Variants in ABCG1 observed in about 807,000 individuals in gnomAD.
The protein encoded by ABCG1 is ATP-binding cassette sub-family G member 1.
ABCG1 carries 29 observed loss-of-function variants against 69.2 expected under a neutral mutation model. That is an observed-to-expected ratio of 0.42 (90% CI 0.31 to 0.57). The LOEUF (loss-of-function observed/expected upper bound fraction) is 0.57. ABCG1 is among the 20% of genes least tolerant of loss of function. ABCG1 has a pLI of 0.15. For synonymous variants in ABCG1, 370 were observed against 374.8 expected, an observed-to-expected ratio of 0.99 and a Z score of 0.15; for missense variants, 718 against 898.1, an observed-to-expected ratio of 0.80 and a Z score of 2.56.
At position 42,276,873 on chromosome 21, in the gene ABCG1, C is replaced by T. The variant is rs1379727689; in HGVS notation, c.538-22C>T. On this transcript the variant is annotated intron_variant, in intron 4 of 14. Coordinates refer to ENST00000398449, the MANE Select transcript of ABCG1 (RefSeq NM_016818.3). This position sits in a 1 kb window ranked among gnomAD's most constrained non-coding sequence, Gnocchi z 5.3. ...AGTGGCCGTCTGTTCTGCTTCCACACTGTTGTCCTTGTCCCCTGCAGGTGT... is the reference window on the plus strand; with the variant it reads ...AGTGGCCGTCTGTTCTGCTTCCACATTGTTGTCCTTGTCCCCTGCAGGTGT... 1 of 1,613,934 alleles carries T rather than the reference C, an allele frequency of 6.2e-7. No homozygotes were observed. Among genetic ancestry groups the T allele is most frequent in the Non-Finnish European group, 8.5e-7 (1 of 1,179,874 alleles).
chr21:42,252,108 G>A lies in ABCG1; in HGVS notation c.287-18962G>A, dbSNP rs367761413. ...TTCTTGGATGTGGCCATGCACGGGG[G>A]CAAGGGTTTGATGAGAGCATCTGTG... is the stretch of plus-strand genomic sequence containing the variant. On this transcript the variant is annotated intron_variant, in intron 2 of 14. Coordinates refer to ENST00000398449, the MANE Select transcript of ABCG1 (RefSeq NM_016818.3). Among the ~76,000 whole-genome samples the A allele has an allele frequency of 1.1e-4, 17 of 152,330 alleles. No individual in the cohort carries two copies. The East Asian group carries it at 3.1e-3, about 28-fold the overall frequency.
chr21:42,206,195 C>G lies in ABCG1; in HGVS notation c.48+4472C>G, dbSNP rs145361626. Among the ~76,000 whole-genome samples the G allele has an allele frequency of 2.2e-3, 341 of 152,052 alleles. 1 individual carries two copies. Among genetic ancestry groups the G allele is most frequent in the Non-Finnish European group, 4.2e-3 (284 of 67,984 alleles). On this transcript the variant is annotated intron_variant, in intron 2 of 15. Coordinates refer to the ABCG1 transcript ENST00000398457. ...TGAAACCCCATCTCTACTAAAAGTACAAGAATTAGCCAGACATGGTGGCAC... is the reference window on the plus strand; with the variant it reads ...TGAAACCCCATCTCTACTAAAAGTAGAAGAATTAGCCAGACATGGTGGCAC...
chr21:42,219,094 G>A (rs1057434407), upstream of ABCG1: 60 of 495,944 alleles, frequency 1.2e-4, no homozygotes, highest in Admixed American at 3.6e-4. This position sits in a 1 kb window ranked among gnomAD's most constrained non-coding sequence, Gnocchi z 5.3. Flanking sequence ...CGCGCTCGGG[G>A]CGGGGTCGGG....
At chr21:42,201,681 G>T in exon 2 of ABCG1, 1 of 1,612,886 alleles carries the variant, frequency 6.2e-7, no homozygotes, top group Non-Finnish European at 8.5e-7. Context: ...TCTTGATGCT[G>T]GGAACGCAGG....
chr21:42,285,844 A>G (rs375526280), intron 7 of ABCG1, 36 bp from the exon 8 acceptor site: 99 of 1,468,814 alleles, frequency 6.7e-5, no homozygotes, highest in Non-Finnish European at 8.0e-5. Flanking sequence ...CGAGGAAGGC[A>G]GGGCTTGATC....
In ABCG1 at chr21:42,288,477, G is replaced by A. The variant is rs944121671; in HGVS notation, c.1224+165G>A. Among the ~76,000 whole-genome samples, 3 of 152,214 alleles carry A rather than the reference G, an allele frequency of 2.0e-5. No homozygotes were observed. The highest frequency in any genetic ancestry group is 7.2e-5 in the African/African-American group (3 of 41,450). On this transcript the variant is annotated intron_variant, in intron 10 of 14. Coordinates refer to ENST00000398449, the MANE Select transcript of ABCG1 (RefSeq NM_016818.3). This position sits in a 1 kb window ranked among gnomAD's most constrained non-coding sequence, Gnocchi z 4.8. ...AACCCCAGCACTTTGGGAGGCCAAG[G>A]CAGGCAGATCATTTGAGGCCAGGAG...
In ABCG1 at chr21:42,219,246, G is replaced by T; in HGVS notation, c.-17G>T. The stretch of plus-strand genomic sequence containing the variant: ...CCCCGCCGCCGCCGCCGCCGCCGCC[G>T]CCGCCGCCCCCGGGGCATGGCCTGT... On this transcript the variant is annotated 5_prime_UTR_variant, in exon 1 of 15. Transcript: ENST00000398449. This position sits in a 1 kb window ranked among gnomAD's most constrained non-coding sequence, Gnocchi z 5.3. The T allele has an allele frequency of 6.5e-7, 1 of 1,533,600 alleles. No homozygotes were observed. Among genetic ancestry groups the T allele is most frequent in the Non-Finnish European group, 8.7e-7 (1 of 1,147,932 alleles). 95.0% of individuals were successfully genotyped at this position (1,533,600 alleles called of 1,614,324 possible). A position where few individuals can be genotyped will look rare whatever the true frequency, so the allele number is the denominator to read the frequency against.
intron 5 of ABCG1, among the ~76,000 whole-genome samples, chr21:42,280,428 AG>A (rs2068786989): frequency 6.6e-6 from 1 of 152,200 alleles, no homozygotes; most frequent in Admixed American, 6.5e-5. Flanking sequence ...TGAGGTCTCC[AG>A]GGGCAGCCTG....
chr21:42,266,789 G>A (rs186990588), intron 2 of ABCG1, among the ~76,000 whole-genome samples: 18 of 152,198 alleles, frequency 1.2e-4, no homozygotes, highest in Middle Eastern at 3.4e-3. Flanking sequence ...CATCTTGTCC[G>A]GTTCTCTTTT....
intron 6 of ABCG1, among the ~76,000 whole-genome samples, chr21:42,283,464 C>T (rs1386310223): frequency 6.6e-6 from 1 of 152,138 alleles, no homozygotes; most frequent in Non-Finnish European, 1.5e-5. Flanking sequence ...AAGAGAGGTC[C>T]CCCCAGGACC....
rs184499486 is a variant in ABCG1, at chr21:42,261,220, G to A, written c.287-9850G>A. 8.4e-3 allele frequency among the ~76,000 whole-genome samples: 1,110 copies of A among 132,310 alleles called. 5 individuals carry two copies. The highest frequency in any genetic ancestry group is 0.011 in the African/African-American group (382 of 35,684). The allele number at this position is 132,310 out of a possible 152,430, so 86.8% of individuals were successfully genotyped here. ...CCCTCTCCACCACCCCCCCTCTCCCGCCCCACCCAGGCAGCTCTGGAGTCC... is the reference window on the plus strand; with the variant it reads ...CCCTCTCCACCACCCCCCCTCTCCCACCCCACCCAGGCAGCTCTGGAGTCC... On this transcript the variant is annotated intron_variant, in intron 2 of 14. Coordinates refer to ENST00000398449, the MANE Select transcript of ABCG1 (RefSeq NM_016818.3).
chr21:42,252,277 C>G (rs1450213451), intron 2 of ABCG1, among the ~76,000 whole-genome samples: 1 of 152,194 alleles, frequency 6.6e-6, no homozygotes, highest in African/African-American at 2.4e-5. Context: ...CTGTGCCTAC[C>G]ATTGTGCCTG....
intron 10 of ABCG1, among the ~76,000 whole-genome samples, chr21:42,289,317 A>G (rs1192979880): frequency 6.6e-6 from 1 of 152,138 alleles, no homozygotes; most frequent in African/African-American, 2.4e-5. Context: ...TCACCATGTC[A>G]AAGGAAAAGT....
At chr21:42,258,698 C>T (rs3787986) in intron 2 of ABCG1, among the ~76,000 whole-genome samples, 30,795 of 152,152 alleles carry the variant, frequency 0.2, 3,769 homozygotes, top group African/African-American at 0.35. Flanking sequence ...AGAGAACAGC[C>T]GAGGTCAGCC....
At chr21:42,289,632 T>G (rs2069015780) in intron 10 of ABCG1, among the ~76,000 whole-genome samples, 1 of 152,174 alleles carries the variant, frequency 6.6e-6, no homozygotes, top group Non-Finnish European at 1.5e-5. Context: ...TGGGACCTAA[T>G]TTGAAAGACA....
At position 42,259,869 on chromosome 21, in the gene ABCG1, T is replaced by C. The variant is rs2068375071; in HGVS notation, c.287-11201T>C. 4 of 1,436,158 alleles carry C rather than the reference T, an allele frequency of 2.8e-6. No individual in the cohort carries two copies. The African/African-American group carries it at 5.8e-5, about 21-fold the overall frequency. The allele number at this position is 1,436,158 out of a possible 1,614,324, so 89.0% of individuals were successfully genotyped here. A position where few individuals can be genotyped will look rare whatever the true frequency, so the allele number is the denominator to read the frequency against. Reference sequence around the variant, plus strand: ...AAAGAGCAGGGGAGAGAGAGGCCAATGGCAAAGGAGCACAGCGGGAGAAAG... The same window carrying C: ...AAAGAGCAGGGGAGAGAGAGGCCAACGGCAAAGGAGCACAGCGGGAGAAAG... On this transcript the variant is annotated intron_variant, in intron 2 of 14. Transcript: ENST00000398449.
rs1156526290 is a variant in ABCG1, at chr21:42,222,523, G to T, written c.43-3148G>T. 2.6e-5 allele frequency among the ~76,000 whole-genome samples: 4 copies of T among 152,208 alleles called. No individual in the cohort carries two copies. In the East Asian group the frequency reaches 5.8e-4, roughly 22 times the overall value. ...GTGGAAGGCTAAGCAATAGTCAAGGGCCGTTACAGAGGCTTGTGGTCTCAG... is the reference window on the plus strand; with the variant it reads ...GTGGAAGGCTAAGCAATAGTCAAGGTCCGTTACAGAGGCTTGTGGTCTCAG... On this transcript the variant is annotated intron_variant, in intron 1 of 14. Coordinates refer to ENST00000398449, the MANE Select transcript of ABCG1 (RefSeq NM_016818.3).
intron 5 of ABCG1, among the ~76,000 whole-genome samples, chr21:42,278,240 C>T (rs770502735): frequency 1.9e-4 from 29 of 152,058 alleles, no homozygotes; most frequent in Non-Finnish European, 5.9e-5. Flanking sequence ...GGCTGAAAGG[C>T]GAGAGCCCCC....
Position 42,227,031 on chromosome 21 carries a change from A to T in ABCG1, c.286+1117A>T, listed in dbSNP as rs1263682656. Among the ~76,000 whole-genome samples, 5 of 151,988 alleles carry T rather than the reference A, an allele frequency of 3.3e-5. 1 individual carries two copies. Among genetic ancestry groups the T allele is most frequent in the Non-Finnish European group, 5.9e-5 (4 of 67,998 alleles). The stretch of plus-strand genomic sequence containing the variant: ...ACCCTCTTGAAGCTAAGTCTTTGAG[A>T]CCCTTAGCATGGGCAGTCCCATCTT... On this transcript the variant is annotated intron_variant, in intron 2 of 14. Coordinates refer to ENST00000398449, the MANE Select transcript of ABCG1 (RefSeq NM_016818.3).
Sources: gnomAD v4.1 joint callset for allele counts (sites outside exome capture counted in the v4.1 genomes callset) on GRCh38, gnomAD v4.1.1 for gene constraint, Gnocchi (gnomAD v3.1) non-coding constraint, MANE v1.5 for transcripts, NCBI Gene and HGNC (gene_info 2026-07-23, HGNC 2026-07-21) for gene names.